Variants in SLC22A16 observed in about 807,000 individuals in gnomAD.
SLC22A16 encodes solute carrier family 22 member 16.
A neutral mutation model predicts 52.9 loss-of-function variants in SLC22A16; 53 were observed. The ratio of observed to expected loss-of-function variants is 1.00; its 90% confidence interval spans 0.80 to 1.26. The LOEUF (loss-of-function observed/expected upper bound fraction) is 1.26, where lower values mean the gene tolerates loss of function less well. Ranked by LOEUF, SLC22A16 falls within the 50% of genes most tolerant of loss-of-function variation. The pLI is 0.00. For missense variants in SLC22A16, 726 were observed against 704.0 expected, an observed-to-expected ratio of 1.03 and a Z score of -0.35; for synonymous variants, 291 against 268.8, an observed-to-expected ratio of 1.08 and a Z score of -0.81.
At chr6:110,474,053 A>C (rs1434275282) in intron 1 of SLC22A16, among the ~76,000 whole-genome samples, 1 of 152,124 alleles carries the variant, frequency 6.6e-6, no homozygotes, top group East Asian at 1.9e-4. Context: ...CGGCGGCATT[A>C]GATTCTCATA....
At chr6:110,443,480 G>A (rs1176300316) in intron 3 of SLC22A16, among the ~76,000 whole-genome samples, 1 of 151,986 alleles carries the variant, frequency 6.6e-6, no homozygotes, top group African/African-American at 2.4e-5. Flanking sequence ...GCAATTCAAT[G>A]CTACAAAGAG....
intron 7 of SLC22A16, chr6:110,425,529 C>A (rs757346718): frequency 2.6e-5 from 14 of 537,530 alleles, no homozygotes; most frequent in Non-Finnish European, 4.1e-5. Flanking sequence ...AATCAGTACA[C>A]TATCAGGGTT....
At chr6:110,461,663 A>G (rs1275919912) in intron 1 of SLC22A16, among the ~76,000 whole-genome samples, 1 of 152,134 alleles carries the variant, frequency 6.6e-6, no homozygotes, top group Non-Finnish European at 1.5e-5. Context: ...TACACCCTAC[A>G]TATCACTGCA....
chr6:110,473,150 T>C (rs556756473), intron 1 of SLC22A16, among the ~76,000 whole-genome samples: 3 of 152,274 alleles, frequency 2.0e-5, no homozygotes, highest in East Asian at 1.9e-4. Flanking sequence ...TAGCTGTATA[T>C]AAATGATAGA....
At chr6:110,428,588 T>C (rs1397871365) in intron 7 of SLC22A16, among the ~76,000 whole-genome samples, 4 of 152,230 alleles carry the variant, frequency 2.6e-5, no homozygotes, top group Admixed American at 6.5e-5. Flanking sequence ...ATCTGCATTA[T>C]ATGAAGACTA....
intron 5 of SLC22A16, among the ~76,000 whole-genome samples, chr6:110,437,934 C>T (rs561244627): frequency 6.6e-6 from 1 of 152,214 alleles, no homozygotes; most frequent in East Asian, 1.9e-4. Flanking sequence ...CTACTAATCT[C>T]CTGCAATGAA....
intron 6 of SLC22A16, among the ~76,000 whole-genome samples, chr6:110,433,512 G>T (rs1430516435): frequency 1.3e-5 from 2 of 152,150 alleles, no homozygotes; most frequent in Non-Finnish European, 2.9e-5. Context: ...CAAGGAGGAG[G>T]CATCTCTGGG....
At chr6:110,428,740 AC>A (rs1243626167) in intron 7 of SLC22A16, among the ~76,000 whole-genome samples, 5 of 152,188 alleles carry the variant, frequency 3.3e-5, no homozygotes, top group Non-Finnish European at 7.3e-5. Context: ...ACATAGTGAA[AC>A]CCCGTCTCTA....
chr6:110,476,146 A>G (rs1776463569), intron 1 of SLC22A16: 1 of 402,874 alleles, frequency 2.5e-6, no homozygotes, highest in East Asian at 6.6e-5. Context: ...GTGGCGGCGG[A>G]TTAGAGAAAC....
At chr6:110,461,964 C>T (rs1775901420) in intron 1 of SLC22A16, among the ~76,000 whole-genome samples, 2 of 152,320 alleles carry the variant, frequency 1.3e-5, no homozygotes, top group East Asian at 3.9e-4. Context: ...ATTGGACTTA[C>T]AGTTCCACAA....
intron 1 of SLC22A16, among the ~76,000 whole-genome samples, chr6:110,468,855 C>T (rs938458596): frequency 1.3e-5 from 2 of 152,090 alleles, no homozygotes; most frequent in Non-Finnish European, 2.9e-5. Context: ...GGTCAGAATC[C>T]CTCGTCCCCA....
chr6:110,444,077 A>T (rs1212599499), intron 3 of SLC22A16, among the ~76,000 whole-genome samples: 1 of 152,200 alleles, frequency 6.6e-6, no homozygotes, highest in African/African-American at 2.4e-5. Flanking sequence ...TGCACTTAAT[A>T]TCACTCAACT....
intron 1 of SLC22A16, chr6:110,476,230 A>T: frequency 1.9e-6 from 1 of 530,932 alleles, no homozygotes; most frequent in Non-Finnish European, 2.9e-6. Flanking sequence ...AGATGCCTCC[A>T]GCATCTGCTG....
At chr6:110,429,954 T>C (rs62421677) in intron 7 of SLC22A16, among the ~76,000 whole-genome samples, 23,919 of 151,334 alleles carry the variant, frequency 0.16, 1,963 homozygotes, top group East Asian at 0.28. Context: ...TGGGGCTGAG[T>C]CTGGAGAGGA....
chr6:110,442,754 C>CTTG lies in SLC22A16; in HGVS notation c.672_673insCAA (p.Val224_Val225insGln). On this transcript the variant is annotated inframe_insertion, in exon 4 of 8. Transcript: ENST00000368919. ...AATTCCATCACATAGACAAACCCCACCACAAGATAGCCACTTGCAACCTGA... is the reference window on the plus strand; with the variant it reads ...AATTCCATCACATAGACAAACCCCACTTGCACAAGATAGCCACTTGCAACCTGA... 1 of 1,612,992 alleles carries CTTG rather than the reference C, an allele frequency of 6.2e-7. No individual in the cohort carries two copies. Among genetic ancestry groups the CTTG allele is most frequent in the Non-Finnish European group, 8.5e-7 (1 of 1,179,610 alleles).
chr6:110,462,412 T>C (rs2115007504), intron 1 of SLC22A16, among the ~76,000 whole-genome samples: 1 of 152,204 alleles, frequency 6.6e-6, no homozygotes, highest in East Asian at 1.9e-4. Context: ...GTAAGAAAGC[T>C]CACTGAGATG....
At chr6:110,430,801 C>A (rs1244408578) in intron 7 of SLC22A16, among the ~76,000 whole-genome samples, 1 of 152,238 alleles carries the variant, frequency 6.6e-6, no homozygotes, top group African/African-American at 2.4e-5. Context: ...CCTTGCCCAG[C>A]AGGCACTCAG....
rs1418268498 is a variant in SLC22A16 at position 110,431,236 on chromosome 6, G to T, written c.1456C>A (p.Arg486Ser). Residue 486 changes from arginine to serine, a missense_variant, in exon 7 of 8, where the codon CGC becomes AGC. Arg to Ser is a moderately radical substitution (Grantham distance 110). Coordinates refer to ENST00000368919, the MANE Select transcript of SLC22A16 (RefSeq NM_033125.4). ...LAVGSGSMVC[R>S]LASILAPFSV... is the part of the protein sequence containing the mutation. ...AACGGCGCCAGGATGCTGGCCAGGC[G>T]ACACACCATGCTGCCGCTTCCCACA... 6.2e-7 allele frequency: 1 copy of T among 1,613,260 alleles called. No homozygotes were observed. Among genetic ancestry groups the T allele is most frequent in the South Asian group, 1.1e-5 (1 of 91,038 alleles).
intron 7 of SLC22A16, 38 bp from the exon 8 acceptor site, chr6:110,425,123 A>G (rs1288881106): frequency 6.2e-7 from 1 of 1,611,586 alleles, no homozygotes; most frequent in Admixed American, 1.7e-5. Flanking sequence ...TGACACATCA[A>G]GAAAGGAACG....
Sources: gnomAD v4.1 joint callset for allele counts (sites outside exome capture counted in the v4.1 genomes callset) on GRCh38, gnomAD v4.1.1 for gene constraint, MANE v1.5 for transcripts, NCBI Gene and HGNC (gene_info 2026-07-23, HGNC 2026-07-21) for gene names.